The following ADK variants were observed in gnomAD, a reference collection of about 807,000 sequenced individuals.
ADK encodes adenosine kinase.
Under a neutral mutation model 44.7 loss-of-function variants are expected in ADK, and 24 were observed. The ratio of observed to expected loss-of-function variants is 0.54; its 90% confidence interval spans 0.39 to 0.76. The LOEUF is 0.76. Ranked by LOEUF, ADK falls within the 30% of genes least tolerant of loss-of-function variation. The pLI is 0.00. For missense variants in ADK, 321 were observed against 425.1 expected, an observed-to-expected ratio of 0.76 and a Z score of 2.15; for synonymous variants, 128 against 142.6, an observed-to-expected ratio of 0.90 and a Z score of 0.73.
At chr10:74,661,566 G>T (rs1268066903) in intron 9 of ADK, among the ~76,000 whole-genome samples, 2 of 152,074 alleles carry the variant, frequency 1.3e-5, no homozygotes, top group African/African-American at 4.8e-5. Context: ...CCAAACTTTT[G>T]CGTGGCTTTC....
At chr10:74,527,540 G>A (rs1337758881) in intron 7 of ADK, 2 of 688,120 alleles carry the variant, frequency 2.9e-6, no homozygotes, top group Non-Finnish European at 5.4e-6. Context: ...AGCAGAGCAC[G>A]CAGAAAACTC....
intron 3 of ADK, among the ~76,000 whole-genome samples, chr10:74,292,366 T>C (rs1839653893): frequency 1.3e-5 from 2 of 152,214 alleles, no homozygotes; most frequent in African/African-American, 2.4e-5. Flanking sequence ...TCTATCCTTT[T>C]TGTATGTCAA....
chr10:74,523,969 C>A (rs1038845096), intron 6 of ADK, among the ~76,000 whole-genome samples: 6 of 152,240 alleles, frequency 3.9e-5, no homozygotes, highest in Admixed American at 1.3e-4. Context: ...ATGATCCACC[C>A]CTACCCCTCT....
chr10:74,492,404 C>T (rs963525803), intron 6 of ADK, among the ~76,000 whole-genome samples: 12 of 151,908 alleles, frequency 7.9e-5, no homozygotes, highest in Non-Finnish European at 1.6e-4. Flanking sequence ...GAGTTCGAGT[C>T]TGACCTGGGC....
intron 10 of ADK, among the ~76,000 whole-genome samples, chr10:74,686,510 C>T (rs1191786211): frequency 6.6e-6 from 1 of 152,178 alleles, no homozygotes; most frequent in African/African-American, 2.4e-5. Flanking sequence ...CCTCACAAGA[C>T]ACCAAATGCC....
chr10:74,201,688 CTAT>C (rs1564589454), intron 2 of ADK, among the ~76,000 whole-genome samples: 8 of 99,496 alleles, frequency 8.0e-5, no homozygotes, highest in African/African-American at 2.9e-4. Flanking sequence ...ATCTATCTAT[CTAT>C]CTATCTATCT....
rs750752955 is a variant in ADK at position 74,589,304 on chromosome 10, A to T, written c.749A>T (p.Glu250Val). The T allele has an allele frequency of 1.1e-5, 18 of 1,613,186 alleles. No homozygotes were observed. The Admixed American group carries it at 2.8e-4, about 25-fold the overall frequency. ...CAGGAAGCTGCCACTTTTGCTAGAG[A>T]GCAAGGCTTTGAGGTGAGTTAACCC... ...NETEAATFAR[E>V]QGFETKDIKE... is the part of the protein sequence containing the mutation. Residue 250 changes from glutamate to valine, a missense_variant, in exon 8 of 11, where the codon GAG (glutamate) becomes GTG (valine). Transcript: ENST00000539909.
At chr10:74,686,155 G>A (rs1055927515) in intron 10 of ADK, among the ~76,000 whole-genome samples, 2 of 152,018 alleles carry the variant, frequency 1.3e-5, no homozygotes, top group Admixed American at 1.3e-4. Context: ...GTAGAGACGA[G>A]GTTTCACCAT....
At chr10:74,410,543 ATGG>A (rs1258904738) in intron 6 of ADK, among the ~76,000 whole-genome samples, 1 of 152,046 alleles carries the variant, frequency 6.6e-6, no homozygotes. Flanking sequence ...TTAGCCAATC[ATGG>A]TGGTGCATTC....
intron 6 of ADK, among the ~76,000 whole-genome samples, chr10:74,439,031 A>G (rs751144228): frequency 1.3e-5 from 2 of 152,240 alleles, no homozygotes; most frequent in Non-Finnish European, 2.9e-5. Flanking sequence ...CAAATGTGTA[A>G]AACTGTAATC....
intron 3 of ADK, among the ~76,000 whole-genome samples, chr10:74,292,174 A>G (rs1199433996): frequency 6.6e-6 from 1 of 152,176 alleles, no homozygotes; most frequent in African/African-American, 2.4e-5. Flanking sequence ...ATTGTCTACT[A>G]TACCAAGAAT....
rs181291738 is a variant in ADK, at chr10:74,371,620, A to G, written c.274-22521A>G. On this transcript the variant is annotated intron_variant, in intron 4 of 10. Transcript: ENST00000539909. ...GCAGGAACCTGCTTAGGTGGTACCAATCTTGACTTCCAGATGGAACAGTAC... is the reference window on the plus strand; with the variant it reads ...GCAGGAACCTGCTTAGGTGGTACCAGTCTTGACTTCCAGATGGAACAGTAC... 1.9e-5 allele frequency: 19 copies of G among 1,022,562 alleles called. No homozygotes were observed. In the Middle Eastern group the frequency reaches 6.2e-4, roughly 33 times the overall value. The allele number at this position is 1,022,562 out of a possible 1,614,324, so 63.3% of individuals were successfully genotyped here.
chr10:74,640,751 ACT>A (rs746056297), intron 9 of ADK, among the ~76,000 whole-genome samples: 4 of 152,080 alleles, frequency 2.6e-5, no homozygotes, highest in Admixed American at 6.6e-5. Context: ...TTCCAATAAA[ACT>A]CTATTTATAA....
intron 1 of ADK, among the ~76,000 whole-genome samples, chr10:74,152,539 G>A (rs1258157844): frequency 1.3e-5 from 2 of 151,976 alleles, no homozygotes; most frequent in Non-Finnish European, 2.9e-5. Flanking sequence ...CACCTCCTTC[G>A]CCAAACTGGA....
chr10:74,650,945 G>A lies in ADK; in HGVS notation c.878-19238G>A, dbSNP rs188974092. 6.6e-5 allele frequency among the ~76,000 whole-genome samples: 10 copies of A among 151,816 alleles called. 1 individual carries two copies. Among genetic ancestry groups the A allele is most frequent in the Admixed American group, 3.9e-4 (6 of 15,276 alleles). On this transcript the variant is annotated intron_variant, in intron 9 of 10. Transcript: ENST00000539909. ...CTCAGAAACAAAAATACTGATTCTT[G>A]TATTGTTTGATGGAAAACTATTAGT...
intron 7 of ADK, among the ~76,000 whole-genome samples, chr10:74,530,798 G>A (rs140063589): frequency 4.6e-5 from 7 of 152,154 alleles, no homozygotes; most frequent in South Asian, 2.1e-4. Context: ...GTGGTTGTGC[G>A]CCTGTAATCC....
intron 6 of ADK, among the ~76,000 whole-genome samples, chr10:74,405,916 A>G (rs1355369070): frequency 6.6e-6 from 1 of 152,068 alleles, no homozygotes; most frequent in Non-Finnish European, 1.5e-5. Flanking sequence ...TACTGACCTT[A>G]AGAAAAGACC....
chr10:74,675,365 C>T (rs1048012275), intron 10 of ADK, among the ~76,000 whole-genome samples: 1 of 152,214 alleles, frequency 6.6e-6, no homozygotes, highest in East Asian at 1.9e-4. Context: ...AAATTAAATT[C>T]GTAGTTCCAT....
At chr10:74,557,393 A>G (rs1326297818) in intron 7 of ADK, among the ~76,000 whole-genome samples, 1 of 152,244 alleles carries the variant, frequency 6.6e-6, no homozygotes, top group East Asian at 1.9e-4. Flanking sequence ...ATAATTTGCA[A>G]CAAAGTAGAA....
Sources: gnomAD v4.1 joint callset for allele counts (sites outside exome capture counted in the v4.1 genomes callset) on GRCh38, gnomAD v4.1.1 for gene constraint, MANE v1.5 for transcripts, NCBI Gene and HGNC (gene_info 2026-07-23, HGNC 2026-07-21) for gene names.